Variants in CCDC138 observed in about 807,000 individuals in gnomAD.
CCDC138 encodes the protein coiled-coil domain-containing protein 138.
Under a neutral mutation model 82.3 loss-of-function variants are expected in CCDC138, and 66 were observed. The observed-to-expected ratio is 0.80, with a 90% confidence interval of 0.66 to 0.98. The LOEUF (loss-of-function observed/expected upper bound fraction) is 0.98, where lower values mean the gene tolerates loss of function less well. Among genes scored for constraint, CCDC138 ranks in the 50% least tolerant of loss-of-function variants. The pLI, the probability that CCDC138 is intolerant of heterozygous loss-of-function variation, is 0.00. For missense variants in CCDC138, 816 were observed against 758.9 expected, an observed-to-expected ratio of 1.08 and a Z score of -0.88; for synonymous variants, 297 against 265.4, an observed-to-expected ratio of 1.12 and a Z score of -1.16.
At position 108,814,881 on chromosome 2, in the gene CCDC138, C is replaced by G. The variant is rs192493163; in HGVS notation, c.1042-1060C>G. 4.8e-3 allele frequency among the ~76,000 whole-genome samples: 725 copies of G among 152,084 alleles called. 5 individuals carry two copies. The highest frequency in any genetic ancestry group is 0.01 in the Admixed American group (156 of 15,282). ...AATCTCCTGACCTCTGGTGATCCAC[C>G]TGCCTCTGCCTCCCAAAGTGCTGGG... On this transcript the variant is annotated intron_variant, in intron 9 of 14. Coordinates refer to ENST00000295124, the MANE Select transcript of CCDC138 (RefSeq NM_144978.3).
At chr2:108,875,984 CAG>C in intron 14 of CCDC138, 102 bp from the exon 15 acceptor site, 1 of 657,686 alleles carries the variant, frequency 1.5e-6, no homozygotes. Flanking sequence ...TTTTTAAAAA[CAG>C]ATGCCATTTC....
At chr2:108,869,278 C>T (rs1190572379) in intron 13 of CCDC138, among the ~76,000 whole-genome samples, 1 of 152,156 alleles carries the variant, frequency 6.6e-6, no homozygotes, top group Non-Finnish European at 1.5e-5. Context: ...ATAGGACATT[C>T]TGTGATAATT....
chr2:108,809,432 C>T (rs939389546), intron 7 of CCDC138, among the ~76,000 whole-genome samples: 6 of 147,332 alleles, frequency 4.1e-5, no homozygotes, highest in African/African-American at 1.5e-4. Flanking sequence ...TTGTTCCAGT[C>T]CATGAACATG....
intron 12 of CCDC138, among the ~76,000 whole-genome samples, chr2:108,853,591 A>G (rs1364990171): frequency 6.6e-6 from 1 of 150,676 alleles, no homozygotes; most frequent in Admixed American, 6.7e-5. Flanking sequence ...CAGTGGTGCA[A>G]GCATAACTTA....
chr2:108,880,010 T>C (rs931665989), downstream of CCDC138, among the ~76,000 whole-genome samples: 11 of 152,272 alleles, frequency 7.2e-5, no homozygotes, highest in African/African-American at 2.4e-4. Flanking sequence ...AGCATGTGGT[T>C]GAGCTGGTGG....
chr2:108,831,316 A>C (rs1297673532), intron 10 of CCDC138, among the ~76,000 whole-genome samples: 2 of 152,356 alleles, frequency 1.3e-5, no homozygotes, highest in East Asian at 3.9e-4. Flanking sequence ...CAAAGAGTTC[A>C]CAGTTCCCTA....
intron 4 of CCDC138, among the ~76,000 whole-genome samples, chr2:108,794,261 G>C (rs1264557038): frequency 3.3e-5 from 5 of 152,072 alleles, no homozygotes; most frequent in Non-Finnish European, 7.4e-5. Flanking sequence ...CCATTTCTTG[G>C]CAATTAGTGT....
downstream of CCDC138, among the ~76,000 whole-genome samples, chr2:108,880,900 A>G (rs1053905339): frequency 1.3e-5 from 2 of 152,216 alleles, no homozygotes; most frequent in East Asian, 3.8e-4. Context: ...CGTAATTTCA[A>G]CTTTCAAGTC....
intron 12 of CCDC138, among the ~76,000 whole-genome samples, chr2:108,850,749 C>T (rs1017639457): frequency 6.6e-6 from 1 of 152,236 alleles, no homozygotes; most frequent in Middle Eastern, 3.4e-3. Context: ...CTGCGCCTGG[C>T]CAGTTGGTGA....
At chr2:108,814,900 T>G (rs1456408515) in intron 9 of CCDC138, among the ~76,000 whole-genome samples, 2 of 152,048 alleles carry the variant, frequency 1.3e-5, no homozygotes, top group African/African-American at 4.8e-5. Flanking sequence ...CCTCCCAAAG[T>G]GCTGGGATTA....
At chr2:108,865,932 C>T (rs1352871543) in intron 13 of CCDC138, among the ~76,000 whole-genome samples, 1 of 152,100 alleles carries the variant, frequency 6.6e-6, no homozygotes, top group Non-Finnish European at 1.5e-5. Context: ...CTGGGTAGTT[C>T]CTAGAAAACT....
intron 11 of CCDC138, among the ~76,000 whole-genome samples, chr2:108,842,077 A>G (rs1233067137): frequency 1.3e-5 from 2 of 152,084 alleles, no homozygotes; most frequent in African/African-American, 4.8e-5. Context: ...TTGCTCAGGC[A>G]GGAGTGCAGT....
At chr2:108,831,699 A>T (rs372786881) in intron 10 of CCDC138, among the ~76,000 whole-genome samples, 15 of 51,546 alleles carry the variant, frequency 2.9e-4, no homozygotes, top group Non-Finnish European at 3.0e-4. Flanking sequence ...GTGGCACAGA[A>T]TCTTCCTTCC....
chr2:108,836,344 C>T (rs970420228), intron 10 of CCDC138, among the ~76,000 whole-genome samples: 1 of 152,160 alleles, frequency 6.6e-6, no homozygotes, highest in African/African-American at 2.4e-5. Flanking sequence ...GATTTCCTTC[C>T]TTTCTAAGGT....
At chr2:108,880,355 A>G (rs1448475171), downstream of CCDC138, among the ~76,000 whole-genome samples, 1 of 152,208 alleles carries the variant, frequency 6.6e-6, no homozygotes, top group Non-Finnish European at 1.5e-5. Flanking sequence ...AACTTGATCT[A>G]TAGATACAAT....
chr2:108,815,736 G>C (rs940300934), intron 9 of CCDC138, among the ~76,000 whole-genome samples: 1 of 152,064 alleles, frequency 6.6e-6, no homozygotes, highest in Admixed American at 6.5e-5. Flanking sequence ...AAAGTGGTGG[G>C]ATTACAGGCT....
intron 10 of CCDC138, among the ~76,000 whole-genome samples, chr2:108,833,546 A>G (rs150289862): frequency 2.1e-4 from 32 of 152,336 alleles, no homozygotes; most frequent in African/African-American, 7.7e-4. Flanking sequence ...AGCTATGGGA[A>G]TGTTTATAGT....
chr2:108,865,413 A>AT (rs1178487575), intron 13 of CCDC138, among the ~76,000 whole-genome samples: 7 of 152,142 alleles, frequency 4.6e-5, no homozygotes. Flanking sequence ...GTTTCTAGAG[A>AT]TTCATCTCTT....
intron 5 of CCDC138, among the ~76,000 whole-genome samples, chr2:108,796,215 ATT>A (rs1043150011): frequency 6.9e-6 from 1 of 144,856 alleles, no homozygotes; most frequent in African/African-American, 2.5e-5. Context: ...CGCCCGGCTA[ATT>A]TTTTTTTTTT....
Sources: gnomAD v4.1 joint callset for allele counts (sites outside exome capture counted in the v4.1 genomes callset) on GRCh38, gnomAD v4.1.1 for gene constraint, MANE v1.5 for transcripts, NCBI Gene and HGNC (gene_info 2026-07-23, HGNC 2026-07-21) for gene names.